Variants in OPCML observed in about 807,000 individuals in gnomAD.
OPCML encodes the protein opioid-binding protein/cell adhesion molecule.
A neutral mutation model predicts 37.8 loss-of-function variants in OPCML; 13 were observed. The observed-to-expected ratio is 0.34, with a 90% CI of 0.22 to 0.55. The LOEUF (loss-of-function observed/expected upper bound fraction) is 0.55. Among genes scored for constraint, OPCML ranks in the 20% least tolerant of loss-of-function variants. The pLI is 0.91. For synonymous variants in OPCML, 176 were observed against 168.8 expected, an observed-to-expected ratio of 1.04 and a Z score of -0.33; for missense variants, 341 against 435.6, an observed-to-expected ratio of 0.78 and a Z score of 1.93.
intron 1 of OPCML, among the ~76,000 whole-genome samples, chr11:133,135,213 A>G (rs1949668918): frequency 6.6e-6 from 1 of 151,922 alleles, no homozygotes; most frequent in Admixed American, 6.5e-5. Context: ...AACAATATTC[A>G]TAACAATAAA....
chr11:133,267,517 A>T (rs974828000), intron 1 of OPCML, among the ~76,000 whole-genome samples: 3 of 152,300 alleles, frequency 2.0e-5, no homozygotes, highest in Non-Finnish European at 4.4e-5. Flanking sequence ...ACAGGCACTC[A>T]CTGAATATAT....
At position 133,173,200 on chromosome 11, in the gene OPCML, C is replaced by G. The variant is rs1316536581; in HGVS notation, c.62-230190G>C. ...TTCATATGAATTCCTAAGAAAATGTCTTCCATGTTTGCTTCAAATATTAGA... is the reference window on the plus strand; with the variant it reads ...TTCATATGAATTCCTAAGAAAATGTGTTCCATGTTTGCTTCAAATATTAGA... On this transcript the variant is annotated intron_variant, in intron 1 of 7. Coordinates refer to ENST00000524381, the MANE Select transcript of OPCML (RefSeq NM_001012393.5). The surrounding 1 kb of genome is among the most constrained non-coding windows in gnomAD (Gnocchi z 7.8). Among the ~76,000 whole-genome samples the G allele has an allele frequency of 6.6e-6, 1 of 152,230 alleles. No individual in the cohort carries two copies. The highest frequency in any genetic ancestry group is 1.5e-5 in the Non-Finnish European group (1 of 68,036).
chr11:133,105,378 T>G (rs1949141423), intron 1 of OPCML, among the ~76,000 whole-genome samples: 1 of 152,172 alleles, frequency 6.6e-6, no homozygotes, highest in Admixed American at 6.5e-5. Context: ...AAAAAAAGAT[T>G]TTCTAGGTTC....
chr11:133,483,257 GT>G (rs1396362019), intron 1 of OPCML, among the ~76,000 whole-genome samples: 3 of 151,864 alleles, frequency 2.0e-5, no homozygotes, highest in African/African-American at 7.3e-5. Flanking sequence ...AAAGTGAAGA[GT>G]AGGACATCCA....
At chr11:133,231,130 T>C (rs1415253493) in intron 1 of OPCML, among the ~76,000 whole-genome samples, 2 of 152,184 alleles carry the variant, frequency 1.3e-5, no homozygotes, top group Non-Finnish European at 2.9e-5. Context: ...CCTTTGTCTG[T>C]TCTAACATAC....
chr11:132,768,588 C>T (rs180763192), intron 2 of OPCML, among the ~76,000 whole-genome samples: 3 of 152,156 alleles, frequency 2.0e-5, no homozygotes, highest in African/African-American at 7.2e-5. Context: ...ACAAACCATT[C>T]GGTCTCCGAA....
At chr11:133,383,147 A>G (rs1375657577) in intron 1 of OPCML, among the ~76,000 whole-genome samples, 13 of 152,030 alleles carry the variant, frequency 8.6e-5, no homozygotes, top group Non-Finnish European at 1.3e-4. Flanking sequence ...CTGCCTATCC[A>G]AACAGGTCTC....
At chr11:133,307,854 T>A (rs1264542963) in intron 1 of OPCML, among the ~76,000 whole-genome samples, 1 of 151,402 alleles carries the variant, frequency 6.6e-6, no homozygotes, top group Middle Eastern at 3.2e-3. Context: ...TCCAAGTTTT[T>A]TTTTTTTAAA....
At chr11:132,956,787 T>C (rs568840389) in intron 1 of OPCML, among the ~76,000 whole-genome samples, 1 of 152,262 alleles carries the variant, frequency 6.6e-6, no homozygotes, top group Non-Finnish European at 1.5e-5. Flanking sequence ...GCAACTCTAG[T>C]TTCCTGTCTT....
At chr11:133,477,696 A>G (rs1382352901) in intron 1 of OPCML, among the ~76,000 whole-genome samples, 1 of 152,200 alleles carries the variant, frequency 6.6e-6, no homozygotes. Context: ...ATCACGGGCC[A>G]GGCATTCCTT....
chr11:133,503,860 CAG>C (rs770331172), intron 1 of OPCML, among the ~76,000 whole-genome samples: 5 of 152,306 alleles, frequency 3.3e-5, no homozygotes, highest in East Asian at 3.9e-4. Flanking sequence ...GCCCCATCTG[CAG>C]AGTCAATCCA....
chr11:132,459,908 C>A (rs146480291), intron 4 of OPCML, among the ~76,000 whole-genome samples: 1 of 152,156 alleles, frequency 6.6e-6, no homozygotes, highest in African/African-American at 2.4e-5. Flanking sequence ...CAGTGGTTTT[C>A]GTCCAAGTGA....
chr11:133,393,992 C>A (rs1472643996), intron 1 of OPCML, among the ~76,000 whole-genome samples: 1 of 152,210 alleles, frequency 6.6e-6, no homozygotes, highest in Non-Finnish European at 1.5e-5. Flanking sequence ...CATTCCCCCA[C>A]CTTTCCTACA....
At chr11:132,519,995 G>A (rs144693093) in intron 4 of OPCML, among the ~76,000 whole-genome samples, 95 of 152,256 alleles carry the variant, frequency 6.2e-4, no homozygotes, top group Middle Eastern at 6.8e-3. Context: ...AATTGACACA[G>A]AGGAACAACA....
intron 4 of OPCML, among the ~76,000 whole-genome samples, chr11:132,478,192 T>A (rs1158266371): frequency 6.6e-6 from 1 of 152,176 alleles, no homozygotes; most frequent in Non-Finnish European, 1.5e-5. Context: ...AGACTTAGAA[T>A]CAAATACCAA....
At chr11:133,145,943 ATACCT>A (rs1949891137) in intron 1 of OPCML, among the ~76,000 whole-genome samples, 3 of 152,220 alleles carry the variant, frequency 2.0e-5, no homozygotes, top group Admixed American at 6.5e-5. Context: ...ACACTGGCGA[ATACCT>A]TACAAGGTAT....
intron 3 of OPCML, among the ~76,000 whole-genome samples, chr11:132,581,382 C>T (rs1242304334): frequency 6.6e-6 from 1 of 152,212 alleles, no homozygotes; most frequent in Non-Finnish European, 1.5e-5. Flanking sequence ...TAGTCAGGTT[C>T]TATAGGTGTC....
At chr11:132,891,600 G>T (rs188359864) in intron 2 of OPCML, among the ~76,000 whole-genome samples, 1 of 151,926 alleles carries the variant, frequency 6.6e-6, no homozygotes, top group Non-Finnish European at 1.5e-5. Flanking sequence ...GAATATCAAC[G>T]CCATGAGAGC....
At position 133,373,424 on chromosome 11, in the gene OPCML, A is replaced by AAAAT. The variant is rs376543665; in HGVS notation, c.61+158839_61+158840insATTT. ...CTAAAAAAGTTAATTACTTAATTAA[A>AAAAT]ATATATATATATATATATATATATA... On this transcript the variant is annotated intron_variant, in intron 1 of 7. Transcript: ENST00000524381. Among the ~76,000 whole-genome samples, 7 of 117,742 alleles carry AAAAT rather than the reference A, an allele frequency of 5.9e-5. No homozygotes were observed. In the East Asian group the frequency reaches 9.8e-4, roughly 16 times the overall value. 77.2% of individuals were successfully genotyped at this position (117,742 alleles called of 152,430 possible).
Sources: gnomAD v4.1 joint callset for allele counts (sites outside exome capture counted in the v4.1 genomes callset) on GRCh38, gnomAD v4.1.1 for gene constraint, Gnocchi (gnomAD v3.1) non-coding constraint, MANE v1.5 for transcripts, NCBI Gene and HGNC (gene_info 2026-07-23, HGNC 2026-07-21) for gene names.